NHSL2: variants seen among roughly 807,000 people sequenced by gnomAD.
NHSL2 encodes NHS-like protein 2.
In NHSL2, 27 loss-of-function variants were observed where a neutral mutation model predicts 53.4. That is an observed-to-expected ratio of 0.51 (90% CI 0.37 to 0.70). NHSL2 has a LOEUF of 0.70. Among genes scored for constraint, NHSL2 ranks in the 30% least tolerant of loss-of-function variants. The pLI, the probability that NHSL2 is intolerant of heterozygous loss-of-function variation, is 0.00. For missense variants in NHSL2, 892 were observed against 980.1 expected (o/e 0.91, Z 1.20); for synonymous variants, 408 against 404.1 (o/e 1.01, Z -0.12).
At chrX:71,937,901 G>A (rs777059711) in intron 1 of NHSL2, among the ~76,000 whole-genome samples, 4 of 112,002 alleles carry the variant, frequency 3.6e-5, no homozygotes, top group Non-Finnish European at 7.5e-5. Context: ...AGAACCTACC[G>A]TTGTGAACAT....
At chrX:71,947,870 CA>C (rs2041800502) in intron 1 of NHSL2, among the ~76,000 whole-genome samples, 1 of 111,359 alleles carries the variant, frequency 9.0e-6, no homozygotes, top group South Asian at 3.8e-4. Flanking sequence ...TAGAATGACA[CA>C]ATGGACTTTG....
chrX:72,013,303 G>A (rs1222202245), intron 1 of NHSL2, among the ~76,000 whole-genome samples: 1 of 111,512 alleles, frequency 9.0e-6, no homozygotes, highest in Non-Finnish European at 1.9e-5. Flanking sequence ...AGTGTAAATG[G>A]CACTGTATTT....
intron 1 of NHSL2, among the ~76,000 whole-genome samples, chrX:71,945,124 T>TGG (rs201374936): frequency 7.8e-4 from 87 of 111,783 alleles, no homozygotes; most frequent in African/African-American, 2.8e-3. Flanking sequence ...CTGAGGCAGT[T>TGG]GGGGGGGTCA....
intron 4 of NHSL2, 63 bp from the exon 5 acceptor site, chrX:72,137,031 C>G: frequency 9.5e-7 from 1 of 1,048,380 alleles, no homozygotes; most frequent in Non-Finnish European, 1.3e-6. Context: ...TCTCTCAGGC[C>G]AATTTCCACC....
intron 1 of NHSL2, among the ~76,000 whole-genome samples, chrX:71,950,136 T>A (rs1321359762): frequency 8.8e-6 from 1 of 113,357 alleles, no homozygotes; most frequent in Admixed American, 9.2e-5. Context: ...TCAGAGTATT[T>A]TTTTTTCCAC....
At chrX:72,098,102 C>T (rs944987946) in intron 1 of NHSL2, among the ~76,000 whole-genome samples, 1 of 112,227 alleles carries the variant, frequency 8.9e-6, no homozygotes, top group African/African-American at 3.2e-5. Context: ...TGTCTGGAAT[C>T]GAGCAGTACC....
In NHSL2 at chrX:72,140,251, C is replaced by T. The variant is rs1569484337; in HGVS notation, c.2703C>T (p.Thr901=). 8.3e-7 allele frequency: 1 copy of T among 1,210,510 alleles called. No homozygotes were observed. Among genetic ancestry groups the T allele is most frequent in the African/African-American group, 1.7e-5 (1 of 57,750 alleles). The change falls in exon 6 of 8, where the codon ACC becomes ACT. Residue 901 remains threonine, a synonymous_variant. Transcript: ENST00000633930. ...VPEEYALTSP[T]LAMPPRSSIQ... ...AGGAGTATGCACTAACTTCACCAAC[C>T]TTGGCTATGCCCCCCAGGAGCTCAA... is the stretch of plus-strand genomic sequence containing the variant.
chrX:72,055,444 T>A (rs1392836325), intron 1 of NHSL2, among the ~76,000 whole-genome samples: 5 of 112,645 alleles, frequency 4.4e-5, no homozygotes, highest in Admixed American at 9.4e-5. Context: ...TCTTTCTGTT[T>A]GTGTCTTGCC....
At chrX:72,011,800 T>C (rs1361578506) in intron 1 of NHSL2, among the ~76,000 whole-genome samples, 2 of 112,498 alleles carry the variant, frequency 1.8e-5, no homozygotes, top group Admixed American at 1.9e-4. Flanking sequence ...GTTTTCCCTT[T>C]TAGCCGTTCT....
intron 1 of NHSL2, among the ~76,000 whole-genome samples, chrX:72,036,090 C>T (rs2042240203): frequency 8.9e-6 from 1 of 112,111 alleles, no homozygotes; most frequent in African/African-American, 3.2e-5. Flanking sequence ...AAAACCATCC[C>T]CCTGACTCCC....
intron 1 of NHSL2, among the ~76,000 whole-genome samples, chrX:72,098,467 G>A (rs1194374979): frequency 1.8e-5 from 2 of 109,531 alleles, no homozygotes; most frequent in African/African-American, 6.7e-5. Flanking sequence ...TGTAGTCCCA[G>A]CTACTCAGCT....
intron 2 of NHSL2, 71 bp from the exon 3 acceptor site, chrX:72,134,020 A>G (rs2042332171): frequency 9.2e-7 from 1 of 1,090,512 alleles, no homozygotes; most frequent in Non-Finnish European, 1.2e-6. Flanking sequence ...GTCCTGGCTC[A>G]TGGCCCTTCC....
In NHSL2 at chrX:72,137,216, C is replaced by G; in HGVS notation, c.883C>G (p.Arg295Gly). 8.6e-7 allele frequency: 1 copy of G among 1,166,048 alleles called. No homozygotes were observed. The highest frequency in any genetic ancestry group is 1.1e-6 in the Non-Finnish European group (1 of 871,707). The change falls in exon 5 of 8, where the codon CGA becomes GGA. Residue 295 changes from arginine (R) to glycine (G), a missense_variant. Coordinates refer to ENST00000633930, the MANE Select transcript of NHSL2 (RefSeq NM_001013627.3). ...TIIGFSNFSQRDQGHSNSPAG... is the reference protein window; with the variant it reads ...TIIGFSNFSQGDQGHSNSPAG... ...TATTGGATTCTCTAACTTTTCCCAG[C>G]GAGACCAAGGTGACCCCACCACAGC...
chrX:72,069,833 C>A, intron 1 of NHSL2: 1 of 466,268 alleles, frequency 2.1e-6, no homozygotes, highest in Non-Finnish European at 3.1e-6. Context: ...GCCCCTGACC[C>A]TTGGCGTGAC....
intron 1 of NHSL2, among the ~76,000 whole-genome samples, chrX:71,994,606 T>G (rs1176995957): frequency 9.0e-6 from 1 of 111,589 alleles, no homozygotes; most frequent in Non-Finnish European, 1.9e-5. Flanking sequence ...CCCCTGAACC[T>G]AAAATCAAAG....
chrX:72,056,812 A>G (rs2042372405), intron 1 of NHSL2, among the ~76,000 whole-genome samples: 1 of 112,796 alleles, frequency 8.9e-6, no homozygotes, highest in Non-Finnish European at 1.9e-5. Context: ...AGTGCTGCCT[A>G]CAAATACTTT....
Position 71,967,007 on chromosome X carries a change from T to A in NHSL2, c.280+55640T>A, listed in dbSNP as rs767879118. Among the ~76,000 whole-genome samples the A allele has an allele frequency of 1.4e-4, 16 of 112,410 alleles. No individual in the cohort carries two copies. In the South Asian group the frequency reaches 5.8e-3, roughly 41 times the overall value. ...TATTCAGATTATCAATTTCTTTTTG[T>A]GTAAGCTTTGGCAAACTGTGTCATT... On this transcript the variant is annotated intron_variant, in intron 1 of 7. Transcript: ENST00000633930.
intron 1 of NHSL2, among the ~76,000 whole-genome samples, chrX:72,062,654 G>T: frequency 8.9e-6 from 1 of 112,315 alleles, no homozygotes; most frequent in Non-Finnish European, 1.9e-5. Context: ...CATTACAGGC[G>T]TGTGCATTTC....
chrX:72,047,230 G>C (rs997127625), intron 1 of NHSL2, among the ~76,000 whole-genome samples: 8 of 110,970 alleles, frequency 7.2e-5, no homozygotes, highest in Non-Finnish European at 1.5e-4. Context: ...TTCCCCAAAG[G>C]GTCTCCACAC....
Sources: gnomAD v4.1 joint callset for allele counts (sites outside exome capture counted in the v4.1 genomes callset) on GRCh38, gnomAD v4.1.1 for gene constraint, MANE v1.5 for transcripts, NCBI Gene and HGNC (gene_info 2026-07-23, HGNC 2026-07-21) for gene names.